Variants in SP4 observed in about 807,000 individuals in gnomAD.
SP4 encodes Sp4 transcription factor.
A neutral mutation model predicts 72.8 loss-of-function variants in SP4; 19 were observed. That is an observed-to-expected ratio of 0.26 (90% CI 0.18 to 0.38). SP4 has a LOEUF of 0.38. SP4 is among the 10% of genes least tolerant of loss of function. The pLI, the probability that SP4 is intolerant of heterozygous loss-of-function variation, is 1.00. For missense variants in SP4, 1,008 were observed against 926.3 expected (o/e 1.09, Z -1.14); for synonymous variants, 395 against 333.1 (o/e 1.19, Z -2.02).
intron 3 of SP4, among the ~76,000 whole-genome samples, chr7:21,475,719 C>T (rs1784480656): frequency 6.6e-6 from 1 of 152,280 alleles, no homozygotes; most frequent in Admixed American, 6.5e-5. Flanking sequence ...ATCTCAGCCT[C>T]CCAAAGTGAC....
At chr7:21,458,357 TA>T (rs1363203633) in intron 3 of SP4, among the ~76,000 whole-genome samples, 1 of 152,150 alleles carries the variant, frequency 6.6e-6, no homozygotes, top group Non-Finnish European at 1.5e-5. Flanking sequence ...CATGCCTGGC[TA>T]ATTTTTGTAA....
chr7:21,485,020 A>T (rs192574411), intron 5 of SP4, among the ~76,000 whole-genome samples: 2 of 151,926 alleles, frequency 1.3e-5, no homozygotes, highest in Non-Finnish European at 2.9e-5. Context: ...TATATCACAC[A>T]TAAAATTGTT....
At chr7:21,495,217 G>A (rs1029888026) in intron 5 of SP4, among the ~76,000 whole-genome samples, 7 of 152,014 alleles carry the variant, frequency 4.6e-5, no homozygotes, top group African/African-American at 1.2e-4. Flanking sequence ...ATCCATAAAA[G>A]AAAAAATCAG....
At chr7:21,479,243 A>T (rs1784606241) in intron 4 of SP4, among the ~76,000 whole-genome samples, 1 of 150,196 alleles carries the variant, frequency 6.7e-6, no homozygotes, top group Non-Finnish European at 1.5e-5. Context: ...GCCAAATCCG[A>T]AGTCATTAAG....
chr7:21,432,862 G>A (rs1782911543), intron 3 of SP4, among the ~76,000 whole-genome samples: 1 of 152,142 alleles, frequency 6.6e-6, no homozygotes, highest in African/African-American at 2.4e-5. Flanking sequence ...TGGGTGTGGT[G>A]GCACACCTGT....
chr7:21,445,296 G>T (rs894070198), intron 3 of SP4, among the ~76,000 whole-genome samples: 4 of 152,098 alleles, frequency 2.6e-5, no homozygotes, highest in Non-Finnish European at 5.9e-5. Context: ...GCTTCTTGAT[G>T]AGGATGTGAG....
rs760515817 is a variant in SP4 at position 21,482,022 on chromosome 7, G to A, written c.2006G>A (p.Arg669His). Residue 669 changes from arginine to histidine, a missense_variant, in exon 5 of 6, where the codon CGC becomes CAC. Coordinates refer to ENST00000222584, the MANE Select transcript of SP4 (RefSeq NM_003112.5). Reference protein sequence around the residue: ...GKTSHLRAHLRWHTGERPFIC... With the variant: ...GKTSHLRAHLHWHTGERPFIC... ...ACATCTCATTTACGAGCACATCTTCGCTGGCATACTGGAGAAAGACCTTTT... is the reference window on the plus strand; with the variant it reads ...ACATCTCATTTACGAGCACATCTTCACTGGCATACTGGAGAAAGACCTTTT... The A allele has an allele frequency of 3.7e-6, 6 of 1,613,710 alleles. No homozygotes were observed. The highest frequency in any genetic ancestry group is 3.4e-6 in the Non-Finnish European group (4 of 1,179,752).
At chr7:21,443,358 G>A (rs556086447) in intron 3 of SP4, among the ~76,000 whole-genome samples, 43 of 152,150 alleles carry the variant, frequency 2.8e-4, no homozygotes, top group Non-Finnish European at 3.5e-4. Flanking sequence ...ATGAGTAAAC[G>A]GAAATAAAGG....
chr7:21,432,689 G>C (rs943540847), intron 3 of SP4, among the ~76,000 whole-genome samples: 22 of 152,266 alleles, frequency 1.4e-4, no homozygotes, highest in Admixed American at 1.1e-3. Context: ...AACTTTCCAG[G>C]TGATTGTAAA....
chr7:21,475,392 G>T (rs1200876663), intron 3 of SP4, among the ~76,000 whole-genome samples: 3 of 151,848 alleles, frequency 2.0e-5, no homozygotes, highest in Non-Finnish European at 4.4e-5. Flanking sequence ...GGGATTACAG[G>T]CCTGAGCCAC....
intron 3 of SP4, among the ~76,000 whole-genome samples, chr7:21,448,314 T>TA (rs1783488113): frequency 6.6e-6 from 1 of 152,198 alleles, no homozygotes; most frequent in Non-Finnish European, 1.5e-5. Context: ...GCAAGTACTC[T>TA]TAGTAAAGAA....
rs1468412462 is a variant in SP4 at position 21,429,616 on chromosome 7, T to G, written c.451T>G (p.Phe151Val). 6.2e-7 allele frequency: 1 copy of G among 1,614,182 alleles called. No homozygotes were observed. The highest frequency in any genetic ancestry group is 8.5e-7 in the Non-Finnish European group (1 of 1,180,024). Residue 151 changes from phenylalanine (F) to valine (V), a missense_variant, in exon 3 of 6, where the codon TTT becomes GTT. By Grantham distance (50) the Phe-to-Val change is conservative. Coordinates refer to ENST00000222584, the MANE Select transcript of SP4 (RefSeq NM_003112.5). ...KSGNSSTPGQ[F>V]QVIQVQNPSG... The stretch of plus-strand genomic sequence containing the variant: ...AGGTAATTCTTCCACCCCTGGTCAA[T>G]TTCAAGTCATACAAGTACAAAATCC...
intron 5 of SP4, among the ~76,000 whole-genome samples, chr7:21,496,227 C>CA (rs1020109117): frequency 1.3e-5 from 2 of 151,676 alleles, no homozygotes; most frequent in Non-Finnish European, 2.9e-5. Context: ...AACTCTATAC[C>CA]AAAAAAATGA....
intron 5 of SP4, among the ~76,000 whole-genome samples, chr7:21,507,602 G>T (rs973219232): frequency 1.3e-5 from 2 of 152,166 alleles, no homozygotes; most frequent in South Asian, 4.1e-4. Flanking sequence ...CCTGTCTCTT[G>T]TGAGGTTGGG....
intron 5 of SP4, among the ~76,000 whole-genome samples, chr7:21,490,763 G>C (rs1247746146): frequency 2.6e-5 from 4 of 152,136 alleles, no homozygotes; most frequent in African/African-American, 4.8e-5. Flanking sequence ...CACAGCAAAG[G>C]CCTCAAGAAC....
In SP4 at chr7:21,511,304, C is replaced by A; in HGVS notation, c.*35C>A. 6.3e-7 allele frequency: 1 copy of A among 1,590,626 alleles called. No individual in the cohort carries two copies. The highest frequency in any genetic ancestry group is 8.6e-7 in the Non-Finnish European group (1 of 1,165,686). On this transcript the variant is annotated 3_prime_UTR_variant, in exon 6 of 6. Coordinates refer to ENST00000222584, the MANE Select transcript of SP4 (RefSeq NM_003112.5). ...TATAACAGAGACCTCTAGTGCTGCA[C>A]TTGTTTACACACCTTTGAAAATCTG...
chr7:21,488,479 C>CTTTTTTT (rs59893862), intron 5 of SP4, among the ~76,000 whole-genome samples: 49 of 133,152 alleles, frequency 3.7e-4, no homozygotes, highest in Non-Finnish European at 4.7e-4. Flanking sequence ...ACTTCCTTTC[C>CTTTTTTT]TTTTTTTTTT....
At chr7:21,454,352 TAA>T (rs1783695548) in intron 3 of SP4, among the ~76,000 whole-genome samples, 1 of 88,036 alleles carries the variant, frequency 1.1e-5, no homozygotes, top group Non-Finnish European at 2.2e-5. Flanking sequence ...TCCCTTTTAC[TAA>T]CTTTTTTTTT....
At chr7:21,443,127 C>G (rs1401242035) in intron 3 of SP4, among the ~76,000 whole-genome samples, 3 of 152,162 alleles carry the variant, frequency 2.0e-5, no homozygotes, top group Non-Finnish European at 4.4e-5. Context: ...TGAGTAGAGT[C>G]TGTGTTATAT....
Sources: gnomAD v4.1 joint callset for allele counts (sites outside exome capture counted in the v4.1 genomes callset) on GRCh38, gnomAD v4.1.1 for gene constraint, MANE v1.5 for transcripts, NCBI Gene and HGNC (gene_info 2026-07-23, HGNC 2026-07-21) for gene names.